TOX: variants seen among roughly 807,000 people sequenced by gnomAD.
The protein encoded by TOX is thymocyte selection-associated high mobility group box protein TOX.
A neutral mutation model predicts 53.7 loss-of-function variants in TOX; 11 were observed. The observed-to-expected ratio is 0.20, with a 90% CI of 0.13 to 0.34. The LOEUF (loss-of-function observed/expected upper bound fraction) is 0.34. Among genes scored for constraint, TOX ranks in the 10% least tolerant of loss-of-function variants. The pLI is 1.00. For synonymous variants in TOX, 225 were observed against 245.3 expected (o/e 0.92, Z 0.77); for missense variants, 570 against 664.6 (o/e 0.86, Z 1.56).
Position 58,818,289 on chromosome 8 carries a change from T to C in TOX, c.1006-2565A>G, listed in dbSNP as rs16924010. 0.019 allele frequency among the ~76,000 whole-genome samples: 2,882 copies of C among 152,246 alleles called. 212 individuals are homozygous for C. The East Asian group carries it at 0.25, about 13-fold the overall frequency. On this transcript the variant is annotated intron_variant, in intron 6 of 8. Transcript: ENST00000361421. ...TAACTATTGGCAAACTCAAAGTAAA[T>C]AGAGTTCCAAAGATAATGATTCAGA...
chr8:59,114,187 T>C (rs191941243), intron 1 of TOX, among the ~76,000 whole-genome samples: 19 of 152,370 alleles, frequency 1.2e-4, no homozygotes, highest in African/African-American at 4.6e-4. Context: ...GATATTTACA[T>C]ATTAGTTTAG....
chr8:58,994,415 T>G (rs753158911), intron 1 of TOX, among the ~76,000 whole-genome samples: 2 of 129,632 alleles, frequency 1.5e-5, no homozygotes, highest in African/African-American at 6.0e-5. Flanking sequence ...TGTGTGTGTG[T>G]GTGTGCGCGC....
chr8:58,911,338 C>G (rs1811904788), intron 3 of TOX, among the ~76,000 whole-genome samples: 1 of 152,124 alleles, frequency 6.6e-6, no homozygotes. Flanking sequence ...CTACTTGAAG[C>G]AAAATGAAAA....
intron 1 of TOX, among the ~76,000 whole-genome samples, chr8:58,968,187 A>G (rs1812937744): frequency 6.6e-6 from 1 of 152,242 alleles, no homozygotes; most frequent in Non-Finnish European, 1.5e-5. Flanking sequence ...AGAAAAGAAT[A>G]TGTGGATGAA....
At chr8:58,945,362 G>C (rs1216209606) in intron 2 of TOX, among the ~76,000 whole-genome samples, 1 of 152,198 alleles carries the variant, frequency 6.6e-6, no homozygotes, top group Non-Finnish European at 1.5e-5. Flanking sequence ...GGAATCAAGA[G>C]ACTGAGATTG....
intron 3 of TOX, among the ~76,000 whole-genome samples, chr8:58,913,054 C>A: frequency 6.6e-6 from 1 of 152,202 alleles, no homozygotes; most frequent in East Asian, 1.9e-4. Flanking sequence ...TGGCCCCAAT[C>A]GAATGTTTAT....
intron 1 of TOX, among the ~76,000 whole-genome samples, chr8:59,083,044 C>T (rs1310512049): frequency 6.6e-6 from 1 of 152,122 alleles, no homozygotes; most frequent in East Asian, 1.9e-4. Flanking sequence ...TGTGAGTAGG[C>T]ACAGAAAACA....
chr8:59,098,731 CT>C (rs1254932376), intron 1 of TOX, among the ~76,000 whole-genome samples: 5 of 152,172 alleles, frequency 3.3e-5, no homozygotes, highest in African/African-American at 1.2e-4. Context: ...TGCTAAATCC[CT>C]GGATTCTTCC....
chr8:59,114,975 T>C (rs1332224530), intron 1 of TOX, among the ~76,000 whole-genome samples: 10 of 152,222 alleles, frequency 6.6e-5, no homozygotes. Context: ...AAATGGGTCC[T>C]TCCTTGTGCG....
chr8:59,034,251 G>T (rs142632879), intron 1 of TOX, among the ~76,000 whole-genome samples: 7 of 152,150 alleles, frequency 4.6e-5, no homozygotes, highest in Non-Finnish European at 1.0e-4. Context: ...TAAGTTAACC[G>T]TTACCAGATA....
intron 3 of TOX, among the ~76,000 whole-genome samples, chr8:58,892,709 T>C (rs1811577388): frequency 6.6e-6 from 1 of 152,180 alleles, no homozygotes; most frequent in Non-Finnish European, 1.5e-5. Context: ...ATGTATGGAC[T>C]GTATTGCTTG....
chr8:59,035,527 C>T (rs769013380), intron 1 of TOX, among the ~76,000 whole-genome samples: 4 of 152,172 alleles, frequency 2.6e-5, no homozygotes, highest in Non-Finnish European at 2.9e-5. Context: ...AGTGCATCGA[C>T]GCCCGACACC....
intron 1 of TOX, among the ~76,000 whole-genome samples, chr8:59,034,675 C>T (rs34350679): frequency 0.21 from 31,532 of 152,098 alleles, 3,471 homozygotes; most frequent in African/African-American, 0.26. Flanking sequence ...CAGCATCTCA[C>T]CTTCACCTCA....
chr8:58,960,124 A>C, intron 1 of TOX, 116 bp from the exon 2 acceptor site: 1 of 1,112,940 alleles, frequency 9.0e-7, no homozygotes. Flanking sequence ...CATAAAAAAT[A>C]CTGCGGCTGG....
intron 3 of TOX, among the ~76,000 whole-genome samples, chr8:58,875,579 GCTATAATTTACAAT>G (rs746657544): frequency 3.3e-5 from 5 of 152,084 alleles, no homozygotes; most frequent in African/African-American, 4.8e-5. Context: ...AGTTTAAAAG[GCTATAATTTACAAT>G]CTCATGGCTA....
intron 1 of TOX, among the ~76,000 whole-genome samples, chr8:59,097,571 G>A (rs374883513): frequency 1.2e-4 from 18 of 152,038 alleles, no homozygotes; most frequent in Non-Finnish European, 2.2e-4. Flanking sequence ...TATTTCCTTC[G>A]TACCTAGGAT....
intron 5 of TOX, among the ~76,000 whole-genome samples, chr8:58,836,372 G>C (rs2129166760): frequency 6.6e-6 from 1 of 152,272 alleles, no homozygotes; most frequent in South Asian, 2.1e-4. Context: ...ATAGAAACTA[G>C]CTTTAAAATT....
intron 2 of TOX, among the ~76,000 whole-genome samples, chr8:58,943,254 G>A (rs1167986984): frequency 6.6e-6 from 1 of 152,160 alleles, no homozygotes; most frequent in Non-Finnish European, 1.5e-5. Flanking sequence ...GGCCCCTTGG[G>A]TGACTGCTGG....
At chr8:58,826,137 A>G (rs1810361094) in intron 6 of TOX, among the ~76,000 whole-genome samples, 1 of 152,252 alleles carries the variant, frequency 6.6e-6, no homozygotes, top group Non-Finnish European at 1.5e-5. Flanking sequence ...CCTAAGGGGA[A>G]ATGGGATGAA....
Sources: allele counts gnomAD v4.1 joint callset (sites outside exome capture counted in the v4.1 genomes callset), GRCh38; gene constraint gnomAD v4.1.1; transcripts MANE v1.5; gene names NCBI Gene and HGNC (gene_info 2026-07-23, HGNC 2026-07-21).